CELF1: variants seen among roughly 807,000 people sequenced by gnomAD.
The protein encoded by CELF1 is 50 kDa nuclear polyadenylated RNA-binding protein.
A neutral mutation model predicts 61.8 loss-of-function variants in CELF1; 10 were observed. The observed-to-expected ratio is 0.16, with a 90% CI of 0.10 to 0.27. The LOEUF (loss-of-function observed/expected upper bound fraction) is 0.27, where lower values mean the gene tolerates loss of function less well. Among genes scored for constraint, CELF1 ranks in the 10% least tolerant of loss-of-function variants. CELF1 has a pLI of 1.00. For synonymous variants in CELF1, 236 were observed against 225.1 expected, an observed-to-expected ratio of 1.05 and a Z score of -0.43; for missense variants, 380 against 639.1, an observed-to-expected ratio of 0.59 and a Z score of 4.37.
intron 1 of CELF1, among the ~76,000 whole-genome samples, chr11:47,535,366 T>A (rs2096600997): frequency 6.6e-6 from 1 of 152,108 alleles, no homozygotes; most frequent in Non-Finnish European, 1.5e-5. Context: ...GCAATAGTTA[T>A]TAAGATACTC....
At chr11:47,492,990 CTGT>C (rs2092163474) in intron 3 of CELF1, among the ~76,000 whole-genome samples, 1 of 152,184 alleles carries the variant, frequency 6.6e-6, no homozygotes, top group Non-Finnish European at 1.5e-5. Context: ...CCCCTTCCCT[CTGT>C]TGTTTGTGTG....
At chr11:47,553,727 G>A (rs1408242222), upstream of CELF1, among the ~76,000 whole-genome samples, 1 of 151,884 alleles carries the variant, frequency 6.6e-6, no homozygotes, top group African/African-American at 2.4e-5. Flanking sequence ...GGCAACGATC[G>A]CTGCGACATA....
In CELF1 at chr11:47,472,955, G is replaced by T. The variant is rs2078332036; in HGVS notation, c.1417+133C>A. 4.4e-6 allele frequency: 4 copies of T among 902,040 alleles called. No homozygotes were observed. The Admixed American group carries it at 9.0e-5, about 20-fold the overall frequency. The allele number at this position is 902,040 out of a possible 1,614,324, so 55.9% of individuals were successfully genotyped here. ...ATGAGAAACTGGGGCTCAAAAAGAG[G>T]TCATAATGACCTGCCCATGGCCAAG... On this transcript the variant is annotated intron_variant, in intron 14 of 14. Coordinates refer to ENST00000687097, the MANE Select transcript of CELF1 (RefSeq NM_001376376.1).
At position 47,484,564 on chromosome 11, in the gene CELF1, A is replaced by G. The variant is rs751337257; in HGVS notation, c.392-41T>C. 49 of 1,578,298 alleles carry G rather than the reference A, an allele frequency of 3.1e-5. No homozygotes were observed. In the Admixed American group the frequency reaches 7.0e-4, roughly 23 times the overall value. ...AGAAAAGACTTGAATATTACTACTTAAAGAGGCAATGTGGCACAGATTTGG... is the reference window on the plus strand; with the variant it reads ...AGAAAAGACTTGAATATTACTACTTGAAGAGGCAATGTGGCACAGATTTGG... On this transcript the variant is annotated intron_variant, in intron 6 of 14. Coordinates refer to ENST00000687097, the MANE Select transcript of CELF1 (RefSeq NM_001376376.1).
rs139210067 is a variant in CELF1, at chr11:47,491,734, C to T, written c.72-2710G>A. On this transcript the variant is annotated intron_variant, in intron 3 of 14. Transcript: ENST00000687097. ...TAATCGGGCTGTATCCACCTCTTCC[C>T]AATTAAACTGACAGCTCCTTGCAGG... Among the ~76,000 whole-genome samples, 182 of 152,314 alleles carry T rather than the reference C, an allele frequency of 1.2e-3. 1 individual carries two copies. Among genetic ancestry groups the T allele is most frequent in the African/African-American group, 4.2e-3 (175 of 41,566 alleles).
At chr11:47,492,213 C>CA (rs1200179366) in intron 3 of CELF1, among the ~76,000 whole-genome samples, 23 of 152,218 alleles carry the variant, frequency 1.5e-4, no homozygotes, top group African/African-American at 5.5e-4. Flanking sequence ...CTCCTGGGCT[C>CA]AAACGATTCT....
intron 3 of CELF1, chr11:47,494,570 T>TC: frequency 1.2e-6 from 1 of 853,282 alleles, no homozygotes; most frequent in Non-Finnish European, 1.4e-6. Flanking sequence ...TCCTTTCTTT[T>TC]CCCCTCTCAA....
intron 3 of CELF1, among the ~76,000 whole-genome samples, chr11:47,495,560 A>G (rs2092928838): frequency 1.3e-5 from 2 of 152,228 alleles, no homozygotes; most frequent in Non-Finnish European, 2.9e-5. Flanking sequence ...TATGTGAATT[A>G]TGTCTCAATG....
At chr11:47,521,820 T>A (rs1482125781) in intron 1 of CELF1, among the ~76,000 whole-genome samples, 2 of 152,194 alleles carry the variant, frequency 1.3e-5, no homozygotes, top group Non-Finnish European at 2.9e-5. Context: ...CAACGCTCAA[T>A]GGTTATGTTA....
At chr11:47,513,760 CT>C (rs1201311535) in intron 1 of CELF1, 551 of 143,944 alleles carry the variant, frequency 3.8e-3, no homozygotes, top group African/African-American at 6.8e-3. Context: ...CGGCCACCCT[CT>C]TTTTTTTTTT....
chr11:47,542,429 TTAAG>T (rs984613589), intron 1 of CELF1, among the ~76,000 whole-genome samples: 3 of 152,018 alleles, frequency 2.0e-5, no homozygotes, highest in Admixed American at 1.3e-4. Flanking sequence ...TCAAATTTGA[TTAAG>T]TGAGATCCAT....
chr11:47,499,102 T>C (rs2153540314), intron 3 of CELF1, among the ~76,000 whole-genome samples: 1 of 152,242 alleles, frequency 6.6e-6, no homozygotes, highest in South Asian at 2.1e-4. Context: ...TTATTTGAAA[T>C]TGCATGTCCA....
In CELF1 at chr11:47,467,079, T is replaced by C. The variant is rs917793388; in HGVS notation, c.*5151A>G. 7.2e-5 allele frequency: 11 copies of C among 152,460 alleles called. No homozygotes were observed. The East Asian group carries it at 1.7e-3, about 24-fold the overall frequency. The allele number at this position is 152,460 out of a possible 1,614,324, so 9.4% of individuals were successfully genotyped here. Reference sequence around the variant, plus strand: ...CAACCTTGGTGTGGAGGATGCTCAATAGCGCTTCCACCTCCCCCTCCCCAG... The same window carrying C: ...CAACCTTGGTGTGGAGGATGCTCAACAGCGCTTCCACCTCCCCCTCCCCAG... On this transcript the variant is annotated 3_prime_UTR_variant, in exon 15 of 15. Coordinates refer to ENST00000687097, the MANE Select transcript of CELF1 (RefSeq NM_001376376.1).
At chr11:47,502,605 G>T (rs11824990) in intron 1 of CELF1, among the ~76,000 whole-genome samples, 30,878 of 151,896 alleles carry the variant, frequency 0.2, 3,614 homozygotes, top group East Asian at 0.3. Context: ...GGCCGATGCA[G>T]GTGGATCATG....
At chr11:47,478,766 T>C in intron 10 of CELF1, 111 bp downstream of exon 10, 1 of 848,430 alleles carries the variant, frequency 1.2e-6, no homozygotes, top group Non-Finnish European at 1.9e-6. Context: ...CAGGTTTACA[T>C]AATAAGCAAA....
At position 47,468,732 on chromosome 11, in the gene CELF1, G is replaced by C. The variant is rs764640041; in HGVS notation, c.*3498C>G. 1.1e-4 allele frequency: 17 copies of C among 152,290 alleles called. No homozygotes were observed. The highest frequency in any genetic ancestry group is 3.9e-4 in the East Asian group (2 of 5,168). 9.4% of individuals were successfully genotyped at this position (152,290 alleles called of 1,614,324 possible). A position where few individuals can be genotyped will look rare whatever the true frequency, so the allele number is the denominator to read the frequency against. On this transcript the variant is annotated 3_prime_UTR_variant, in exon 15 of 15. Coordinates refer to ENST00000687097, the MANE Select transcript of CELF1 (RefSeq NM_001376376.1). ...AAAAAAAGAAAAAAAAACGAAGAAA[G>C]AAACAAACATAATAAAAATACACAT...
rs566402067 is a variant in CELF1, at chr11:47,474,787, T to G, written c.1273+549A>C. Reference sequence around the variant, plus strand: ...CATGTAAGTCACCTTCAGGCCTCTTTCTGGCTAAAGAGTCTCTCCTATTTT... The same window carrying G: ...CATGTAAGTCACCTTCAGGCCTCTTGCTGGCTAAAGAGTCTCTCCTATTTT... On this transcript the variant is annotated intron_variant, in intron 13 of 14. Coordinates refer to ENST00000687097, the MANE Select transcript of CELF1 (RefSeq NM_001376376.1). Among the ~76,000 whole-genome samples, 4 of 152,360 alleles carry G rather than the reference T, an allele frequency of 2.6e-5. No homozygotes were observed. The East Asian group carries it at 7.7e-4, about 29-fold the overall frequency.
chr11:47,496,800 C>T (rs113583257), intron 3 of CELF1, among the ~76,000 whole-genome samples: 2,428 of 152,204 alleles, frequency 0.016, 51 homozygotes, highest in African/African-American at 0.048. Context: ...TACTAGAAAG[C>T]TGACTAAGAA....
chr11:47,510,018 C>T (rs1026301858), intron 1 of CELF1, among the ~76,000 whole-genome samples: 1 of 151,616 alleles, frequency 6.6e-6, no homozygotes, highest in African/African-American at 2.4e-5. Flanking sequence ...GCCGAGATCC[C>T]GCCACTGCAT....
Sources: allele counts gnomAD v4.1 joint callset (sites outside exome capture counted in the v4.1 genomes callset), GRCh38; gene constraint gnomAD v4.1.1; transcripts MANE v1.5; gene names NCBI Gene and HGNC (gene_info 2026-07-23, HGNC 2026-07-21).